The following UVRAG variants were observed in gnomAD, a reference collection of about 807,000 sequenced individuals.
The protein encoded by UVRAG is UV radiation resistance-associated gene protein.
A neutral mutation model predicts 78.0 loss-of-function variants in UVRAG; 19 were observed. That is an observed-to-expected ratio of 0.24 (90% CI 0.17 to 0.36). The LOEUF (loss-of-function observed/expected upper bound fraction) is 0.36. UVRAG is among the 10% of genes least tolerant of loss of function. The probability of loss-of-function intolerance (pLI) is 1.00; values close to 1 mark genes in which losing one functional copy is unlikely to be tolerated. For synonymous variants in UVRAG, 323 were observed against 324.6 expected, an observed-to-expected ratio of 1.00 and a Z score of 0.05; for missense variants, 740 against 853.8, an observed-to-expected ratio of 0.87 and a Z score of 1.66.
At chr11:76,133,958 C>CTTTTTT in intron 14 of UVRAG, among the ~76,000 whole-genome samples, 1 of 132,886 alleles carries the variant, frequency 7.5e-6, no homozygotes, top group Non-Finnish European at 1.6e-5. Flanking sequence ...TTTTTCTTTT[C>CTTTTTT]TTTTTTTTTT....
At chr11:75,869,414 A>G (rs563475071) in intron 3 of UVRAG, among the ~76,000 whole-genome samples, 3 of 152,246 alleles carry the variant, frequency 2.0e-5, no homozygotes, top group Non-Finnish European at 4.4e-5. Context: ...GTGATTCTCA[A>G]ACCAACTTTA....
Position 75,864,854 on chromosome 11 carries a change from G to A in UVRAG, c.270+3074G>A, listed in dbSNP as rs116286134. The stretch of plus-strand genomic sequence containing the variant: ...GGTGAACTAAGTTGGACTTTGATAA[G>A]CTTGTAAGTATCTTTTTCACTCATG... On this transcript the variant is annotated intron_variant, in intron 3 of 14. Transcript: ENST00000356136. 5.0e-3 allele frequency among the ~76,000 whole-genome samples: 764 copies of A among 152,318 alleles called. 7 individuals carry two copies. The highest frequency in any genetic ancestry group is 0.017 in the African/African-American group (719 of 41,580).
chr11:75,932,977 C>A (rs1948276325), intron 6 of UVRAG, among the ~76,000 whole-genome samples: 1 of 152,168 alleles, frequency 6.6e-6, no homozygotes, highest in Admixed American at 6.5e-5. Flanking sequence ...ATATCAATGA[C>A]ATTCTTCACA....
intron 13 of UVRAG, among the ~76,000 whole-genome samples, chr11:76,099,186 C>G (rs1951836099): frequency 6.6e-6 from 1 of 152,194 alleles, no homozygotes; most frequent in Non-Finnish European, 1.5e-5. Flanking sequence ...CCAAAAAAGT[C>G]TATTAACTAC....
At chr11:75,894,597 C>G (rs975781279) in intron 5 of UVRAG, among the ~76,000 whole-genome samples, 2 of 151,938 alleles carry the variant, frequency 1.3e-5, no homozygotes, top group Non-Finnish European at 2.9e-5. Flanking sequence ...TGTTGGCTCA[C>G]ACCTGTAATC....
At chr11:75,965,431 C>CCT (rs1419255052) in intron 7 of UVRAG, among the ~76,000 whole-genome samples, 3 of 152,218 alleles carry the variant, frequency 2.0e-5, no homozygotes, top group African/African-American at 7.2e-5. Flanking sequence ...CCTGCCTCAG[C>CCT]CTCCCGAGTA....
intron 12 of UVRAG, among the ~76,000 whole-genome samples, chr11:76,032,380 A>G (rs1406026367): frequency 6.6e-6 from 1 of 152,208 alleles, no homozygotes; most frequent in Non-Finnish European, 1.5e-5. Context: ...TAAATGATCA[A>G]TTAGTTTTTA....
chr11:76,043,581 T>C (rs750305219), intron 12 of UVRAG, among the ~76,000 whole-genome samples: 6 of 152,232 alleles, frequency 3.9e-5, no homozygotes, highest in Non-Finnish European at 7.3e-5. Flanking sequence ...TAGTAGTATA[T>C]TCAAATTTGG....
chr11:75,881,637 G>T lies in UVRAG; in HGVS notation c.432+1597G>T, dbSNP rs915741214. 4.6e-5 allele frequency among the ~76,000 whole-genome samples: 7 copies of T among 152,216 alleles called. No homozygotes were observed. In the South Asian group the frequency reaches 8.3e-4, roughly 18 times the overall value. On this transcript the variant is annotated intron_variant, in intron 4 of 14. Transcript: ENST00000356136. ...TTGCTATGTTGCCCTGGCTGGTTGTGAACCCCTAGGCTCAAGCAGTCCTCC... is the reference window on the plus strand; with the variant it reads ...TTGCTATGTTGCCCTGGCTGGTTGTTAACCCCTAGGCTCAAGCAGTCCTCC...
intron 6 of UVRAG, among the ~76,000 whole-genome samples, chr11:75,957,902 A>G (rs1948832857): frequency 6.6e-6 from 1 of 152,246 alleles, no homozygotes; most frequent in African/African-American, 2.4e-5. Flanking sequence ...AAATATTGCA[A>G]TAAAGCAGTA....
chr11:76,005,749 C>T (rs1014465073), intron 9 of UVRAG, among the ~76,000 whole-genome samples: 10 of 152,240 alleles, frequency 6.6e-5, no homozygotes, highest in Non-Finnish European at 1.2e-4. Context: ...TAGAGGTTCC[C>T]ATAACCCACT....
At chr11:75,836,559 A>G (rs562657986) in intron 1 of UVRAG, among the ~76,000 whole-genome samples, 2 of 152,258 alleles carry the variant, frequency 1.3e-5, no homozygotes, top group South Asian at 2.1e-4. Flanking sequence ...AGATCCATCA[A>G]TTCTTTCTTC....
intron 1 of UVRAG, among the ~76,000 whole-genome samples, chr11:75,832,672 A>G (rs796957417): frequency 4.6e-5 from 7 of 152,280 alleles, no homozygotes; most frequent in African/African-American, 1.7e-4. Context: ...GATTAACACA[A>G]TCTCCAGCCT....
intron 6 of UVRAG, among the ~76,000 whole-genome samples, chr11:75,924,295 A>G (rs969807362): frequency 1.3e-5 from 2 of 152,112 alleles, no homozygotes; most frequent in Non-Finnish European, 2.9e-5. Flanking sequence ...CCACAGTTAT[A>G]GTATATTTTA....
chr11:75,894,921 A>G (rs1457043427), intron 5 of UVRAG, among the ~76,000 whole-genome samples: 2 of 152,204 alleles, frequency 1.3e-5, no homozygotes, highest in Admixed American at 6.5e-5. Context: ...AAAAGGAAAC[A>G]AAAGATAAAA....
chr11:75,949,714 T>TACACACACACACAC (rs1555093473), intron 6 of UVRAG, among the ~76,000 whole-genome samples: 2 of 136,870 alleles, frequency 1.5e-5, no homozygotes, highest in African/African-American at 5.8e-5. Flanking sequence ...TATATATATA[T>TACACACACACACAC]ACACACACAC....
At chr11:75,892,105 G>C (rs1489398589) in intron 5 of UVRAG, among the ~76,000 whole-genome samples, 1 of 152,136 alleles carries the variant, frequency 6.6e-6, no homozygotes, top group Non-Finnish European at 1.5e-5. Context: ...CAAAACAAGT[G>C]AAACCAAGGT....
At chr11:75,929,611 G>T (rs1027806562) in intron 6 of UVRAG, among the ~76,000 whole-genome samples, 1 of 152,112 alleles carries the variant, frequency 6.6e-6, no homozygotes, top group Non-Finnish European at 1.5e-5. Flanking sequence ...GAGAAATGAA[G>T]CCCGTTGTCA....
chr11:75,963,940 C>T (rs746164380), intron 7 of UVRAG, among the ~76,000 whole-genome samples: 1 of 152,076 alleles, frequency 6.6e-6, no homozygotes, highest in African/African-American at 2.4e-5. Context: ...GGATTATAGA[C>T]GTGTACCAGC....
Sources: gnomAD v4.1 joint callset for allele counts (sites outside exome capture counted in the v4.1 genomes callset) on GRCh38, gnomAD v4.1.1 for gene constraint, MANE v1.5 for transcripts, NCBI Gene and HGNC (gene_info 2026-07-23, HGNC 2026-07-21) for gene names.